Variants in TBL1XR1 observed in about 807,000 individuals in gnomAD.
TBL1XR1 encodes TBL1X/Y related 1, also known as F-box-like/WD repeat-containing protein TBL1XR1.
Under a neutral mutation model 66.9 loss-of-function variants are expected in TBL1XR1, and 5 were observed. That is an observed-to-expected ratio of 0.07 (90% CI 0.04 to 0.16). The LOEUF is 0.16. Ranked by LOEUF, TBL1XR1 falls within the 10% of genes least tolerant of loss-of-function variation. The pLI, the probability that TBL1XR1 is intolerant of heterozygous loss-of-function variation, is 1.00. For synonymous variants in TBL1XR1, 210 were observed against 206.0 expected (o/e 1.02, Z -0.17); for missense variants, 238 against 623.2 (o/e 0.38, Z 6.58).
chr3:177,157,043 C>CA (rs1731604043), intron 1 of TBL1XR1, among the ~76,000 whole-genome samples: 1 of 152,118 alleles, frequency 6.6e-6, no homozygotes, highest in African/African-American at 2.4e-5. Context: ...AAGGTGTAAA[C>CA]AGGTGTAATC....
rs150129601 is a variant in TBL1XR1, at chr3:177,187,516, C to T, written c.-122+9605G>A. 5.3e-5 allele frequency among the ~76,000 whole-genome samples: 8 copies of T among 151,886 alleles called. No individual in the cohort carries two copies. In the East Asian group the frequency reaches 1.5e-3, roughly 29 times the overall value. Reference sequence around the variant, plus strand: ...CATTTCATCTGATCATCTTAATAGACATTTATAGAAGCTAAGTGATTTACT... The same window carrying T: ...CATTTCATCTGATCATCTTAATAGATATTTATAGAAGCTAAGTGATTTACT... On this transcript the variant is annotated intron_variant, in intron 1 of 15. Coordinates refer to ENST00000457928, the MANE Select transcript of TBL1XR1 (RefSeq NM_024665.7).
intron 1 of TBL1XR1, among the ~76,000 whole-genome samples, chr3:177,145,765 T>C (rs182212611): frequency 1.3e-5 from 2 of 152,380 alleles, no homozygotes; most frequent in East Asian, 1.9e-4. Context: ...AGTCCATTTA[T>C]CAGAGTAGAT....
chr3:177,065,110 T>A, intron 2 of TBL1XR1, 88 bp from the exon 3 acceptor site: 2 of 872,118 alleles, frequency 2.3e-6, no homozygotes, highest in Non-Finnish European at 3.2e-6. Flanking sequence ...TTGATTTTAT[T>A]AAATGATGTA....
chr3:177,099,955 C>T (rs1174786286), intron 1 of TBL1XR1, among the ~76,000 whole-genome samples: 2 of 152,280 alleles, frequency 1.3e-5, no homozygotes, highest in African/African-American at 4.8e-5. Context: ...AAAACACATA[C>T]AAGAAGTCAG....
intron 1 of TBL1XR1, among the ~76,000 whole-genome samples, chr3:177,164,474 C>A (rs549490509): frequency 6.6e-6 from 1 of 152,010 alleles, no homozygotes; most frequent in South Asian, 2.1e-4. Context: ...CTTAGCCTCC[C>A]GAGTAGCTGG....
intron 10 of TBL1XR1, among the ~76,000 whole-genome samples, chr3:177,041,346 G>C (rs1715556478): frequency 6.6e-6 from 1 of 152,152 alleles, no homozygotes; most frequent in South Asian, 2.1e-4. Context: ...TTGGTTCAAT[G>C]TAAGAAAAAC....
intron 1 of TBL1XR1, among the ~76,000 whole-genome samples, chr3:177,124,542 A>G (rs2108766158): frequency 6.6e-6 from 1 of 152,222 alleles, no homozygotes; most frequent in South Asian, 2.1e-4. Flanking sequence ...GGCTAAATAA[A>G]CAAACTCCTC....
At chr3:177,112,903 T>C (rs1560189953) in intron 1 of TBL1XR1, among the ~76,000 whole-genome samples, 1 of 151,964 alleles carries the variant, frequency 6.6e-6, no homozygotes, top group East Asian at 1.9e-4. Context: ...CTCGGGAGGC[T>C]GAGGCAGGAG....
intron 2 of TBL1XR1, among the ~76,000 whole-genome samples, chr3:177,086,608 C>A (rs1722155257): frequency 6.6e-6 from 1 of 152,024 alleles, no homozygotes; most frequent in African/African-American, 2.4e-5. Context: ...ATAATTAGAG[C>A]CCACAATTTT....
At chr3:177,102,094 T>C (rs188370052) in intron 1 of TBL1XR1, among the ~76,000 whole-genome samples, 88 of 152,342 alleles carry the variant, frequency 5.8e-4, no homozygotes, top group African/African-American at 2.1e-3. Flanking sequence ...CCAGTTTCTT[T>C]TTCTAACTTT....
intron 1 of TBL1XR1, among the ~76,000 whole-genome samples, chr3:177,100,644 C>T (rs1194757514): frequency 1.3e-5 from 2 of 152,104 alleles, no homozygotes; most frequent in East Asian, 1.9e-4. Context: ...AGACTGGTCT[C>T]GAACTCCTGA....
chr3:177,192,533 T>C (rs934020845), intron 1 of TBL1XR1, among the ~76,000 whole-genome samples: 1 of 151,816 alleles, frequency 6.6e-6, no homozygotes, highest in East Asian at 1.9e-4. Context: ...CCTACACCAA[T>C]CATGTAAATT....
intron 2 of TBL1XR1, among the ~76,000 whole-genome samples, chr3:177,069,098 CTG>C (rs911646229): frequency 6.6e-6 from 1 of 152,132 alleles, no homozygotes; most frequent in African/African-American, 2.4e-5. Context: ...TTCTGGGTCT[CTG>C]TGTCATCTAT....
At chr3:177,075,219 T>C (rs1418478669) in intron 2 of TBL1XR1, among the ~76,000 whole-genome samples, 6 of 152,246 alleles carry the variant, frequency 3.9e-5, no homozygotes, top group South Asian at 2.1e-4. Context: ...CCTTGGCTTG[T>C]AGCGGCAAAA....
chr3:177,108,623 A>T (rs1725171894), intron 1 of TBL1XR1, among the ~76,000 whole-genome samples: 1 of 152,206 alleles, frequency 6.6e-6, no homozygotes, highest in Non-Finnish European at 1.5e-5. Context: ...GTTAATTATA[A>T]CTGCATGTAT....
chr3:177,026,659 G>C (rs922385471), intron 14 of TBL1XR1, 185 bp from the exon 15 acceptor site: 2 of 510,612 alleles, frequency 3.9e-6, no homozygotes, highest in Non-Finnish European at 6.7e-6. Context: ...GATAATACCA[G>C]CCTGTTCTCA....
chr3:177,100,808 A>G (rs2108677414), intron 1 of TBL1XR1, among the ~76,000 whole-genome samples: 1 of 152,134 alleles, frequency 6.6e-6, no homozygotes, highest in East Asian at 1.9e-4. Flanking sequence ...ATAGCAAGTG[A>G]AGAGTTCGTT....
At position 177,022,835 on chromosome 3, in the gene TBL1XR1, T is replaced by G. The variant is rs1334665752; in HGVS notation, c.*2663A>C. ...GTGGCACATCAGCAGGCAATGATGA[T>G]GTTGAGAACAGCAGCAAAAATAAAC... On this transcript the variant is annotated 3_prime_UTR_variant, in exon 16 of 16. Coordinates refer to ENST00000457928, the MANE Select transcript of TBL1XR1 (RefSeq NM_024665.7). 1 of 152,484 alleles carries G rather than the reference T, an allele frequency of 6.6e-6. No individual in the cohort carries two copies. The highest frequency in any genetic ancestry group is 1.5e-5 in the Non-Finnish European group (1 of 67,938). 9.4% of individuals were successfully genotyped at this position (152,484 alleles called of 1,614,324 possible).
intron 1 of TBL1XR1, among the ~76,000 whole-genome samples, chr3:177,159,138 T>C (rs191310911): frequency 6.6e-6 from 1 of 152,180 alleles, no homozygotes; most frequent in African/African-American, 2.4e-5. Context: ...GGAACTCAGC[T>C]GGATTTTCTC....
Sources: allele counts gnomAD v4.1 joint callset (sites outside exome capture counted in the v4.1 genomes callset), GRCh38; gene constraint gnomAD v4.1.1; transcripts MANE v1.5; gene names NCBI Gene and HGNC (gene_info 2026-07-23, HGNC 2026-07-21).